ATG4A: variants seen among roughly 807,000 people sequenced by gnomAD.
ATG4A encodes autophagy related 4A cysteine peptidase.
ATG4A carries 22 observed loss-of-function variants against 38.4 expected under a neutral mutation model. The observed-to-expected ratio is 0.57, with a 90% CI of 0.41 to 0.82. The LOEUF is 0.82. Ranked by LOEUF, ATG4A falls within the 40% of genes least tolerant of loss-of-function variation. The probability of loss-of-function intolerance (pLI) is 0.00; values close to 1 mark genes in which losing one functional copy is unlikely to be tolerated. For synonymous variants in ATG4A, 86 were observed against 100.7 expected, an observed-to-expected ratio of 0.85 and a Z score of 0.88; for missense variants, 220 against 290.0, an observed-to-expected ratio of 0.76 and a Z score of 1.75.
chrX:108,117,113 A>ACCTACC (rs1394351445), intron 1 of ATG4A, among the ~76,000 whole-genome samples: 4 of 111,996 alleles, frequency 3.6e-5, no homozygotes, highest in African/African-American at 1.3e-4. Context: ...GGTACTCAGT[A>ACCTACC]AAGGATTGTT....
intron 4 of ATG4A, among the ~76,000 whole-genome samples, chrX:108,132,334 G>A (rs1428581485): frequency 8.9e-6 from 1 of 112,297 alleles, no homozygotes; most frequent in African/African-American, 3.2e-5. Context: ...ATGAGAGAGC[G>A]AAAGGACACT....
At chrX:108,118,362 G>A (rs5973845) in intron 1 of ATG4A, among the ~76,000 whole-genome samples, 5,967 of 110,967 alleles carry the variant, frequency 0.054, 135 homozygotes, top group East Asian at 0.097. Context: ...TGTATAGTGG[G>A]AAGAATACTG....
intron 9 of ATG4A, among the ~76,000 whole-genome samples, chrX:108,141,536 C>T (rs1437186932): frequency 9.0e-6 from 1 of 111,643 alleles, no homozygotes; most frequent in African/African-American, 3.3e-5. Flanking sequence ...TACCACCTTC[C>T]ATTGCTCCCC....
At chrX:108,117,273 GGACTGA>G (rs2032536188) in intron 1 of ATG4A, among the ~76,000 whole-genome samples, 1 of 111,054 alleles carries the variant, frequency 9.0e-6, no homozygotes, top group African/African-American at 3.3e-5. Flanking sequence ...AACATTACAT[GGACTGA>G]GACTTTAAGG....
At chrX:108,150,707 C>T (rs992688125) in intron 10 of ATG4A, among the ~76,000 whole-genome samples, 5 of 112,333 alleles carry the variant, frequency 4.5e-5, no homozygotes, top group African/African-American at 1.6e-4. Flanking sequence ...ACCATCAGAT[C>T]TCATAAGACT....
At chrX:108,089,146 TATTAC>T (rs1400651615), upstream of ATG4A, among the ~76,000 whole-genome samples, 1 of 112,696 alleles carries the variant, frequency 8.9e-6, no homozygotes, top group Non-Finnish European at 1.9e-5. Context: ...GTTGTTTTAC[TATTAC>T]ATTATTTACG....
In ATG4A at chrX:108,091,815, G is replaced by A; in HGVS notation, c.-12G>A. The A allele has an allele frequency of 3.3e-6, 4 of 1,211,726 alleles. No homozygotes were observed. Among genetic ancestry groups the A allele is most frequent in the Non-Finnish European group, 2.2e-6 (2 of 895,473 alleles). On this transcript the variant is annotated 5_prime_UTR_variant, in exon 1 of 13. The change abolishes an upstream ATG in the 5' untranslated region. Transcript: ENST00000372232. ...GTTGCCGGTGGAATTGGCCCAGGATGACAGCTGGAGAATGGAGTCAGGTAC... is the reference window on the plus strand; with the variant it reads ...GTTGCCGGTGGAATTGGCCCAGGATAACAGCTGGAGAATGGAGTCAGGTAC...
intron 10 of ATG4A, among the ~76,000 whole-genome samples, chrX:108,151,335 A>C (rs2345392): frequency 0.5 from 55,198 of 110,585 alleles, 10,739 homozygotes; most frequent in African/African-American, 0.68. Context: ...TCTGGGATGG[A>C]TTTGAGGTTG....
intron 1 of ATG4A, among the ~76,000 whole-genome samples, chrX:108,099,499 G>A (rs1237877970): frequency 9.0e-6 from 1 of 111,246 alleles, no homozygotes; most frequent in Non-Finnish European, 1.9e-5. Context: ...TAATTTTGAT[G>A]ACATTCAACT....
chrX:108,126,961 G>C (rs1013376214), intron 2 of ATG4A: 1 of 288,365 alleles, frequency 3.5e-6, no homozygotes, highest in Non-Finnish European at 6.5e-6. Flanking sequence ...TGATGAAAAG[G>C]CAGGAGAGGA....
At chrX:108,150,032 C>T in intron 9 of ATG4A, 120 bp from the exon 10 acceptor site, 1 of 858,485 alleles carries the variant, frequency 1.2e-6, no homozygotes, top group South Asian at 2.6e-5. Context: ...GGCTTTCTGT[C>T]ATTCCATTCT....
intron 9 of ATG4A, among the ~76,000 whole-genome samples, chrX:108,142,506 A>G (rs1321671186): frequency 1.9e-5 from 2 of 106,481 alleles, no homozygotes; most frequent in Admixed American, 1.0e-4. Flanking sequence ...TAACATACAT[A>G]CACACACACA....
chrX:108,088,942 A>C, upstream of ATG4A: 1 of 691,284 alleles, frequency 1.4e-6, no homozygotes, highest in Non-Finnish European at 2.2e-6. Context: ...TAGTTTGAAA[A>C]TACGAAATGC....
At chrX:108,093,418 A>G (rs2031700522) in intron 1 of ATG4A, among the ~76,000 whole-genome samples, 1 of 112,302 alleles carries the variant, frequency 8.9e-6, no homozygotes, top group African/African-American at 3.2e-5. Flanking sequence ...TTATTGCTGA[A>G]TAGTATTCCA....
rs1569310426 is a variant in ATG4A at position 108,138,174 on chromosome X, A to G, written c.797A>G (p.Tyr266Cys). Residue 266 changes from tyrosine to cysteine, a missense_variant, in exon 9 of 13, where the codon TAT becomes TGT. Physicochemically the swap from Tyr to Cys is radical, Grantham distance 194. Around this residue, in one of 3 missense-constraint regions of ATG4A, gnomAD observed 159 missense variants for 188.9 expected, o/e 0.84. Transcript: ENST00000372232. ...ALGGKPNNAYYFIGFLGDELI... is the reference protein window; with the variant it reads ...ALGGKPNNAYCFIGFLGDELI... Reference sequence around the variant, plus strand: ...GGAGGAAAACCAAATAACGCGTATTATTTCATAGGATTCTTAGGTAAGAAA... The same window carrying G: ...GGAGGAAAACCAAATAACGCGTATTGTTTCATAGGATTCTTAGGTAAGAAA... The G allele has an allele frequency of 8.3e-7, 1 of 1,208,488 alleles. No homozygotes were observed. The highest frequency in any genetic ancestry group is 2.2e-5 in the Admixed American group (1 of 45,940).
In ATG4A at chrX:108,137,853, G is replaced by T. The variant is rs944930011; in HGVS notation, c.597G>T (p.Arg199Ser). 8 of 1,188,877 alleles carry T rather than the reference G, an allele frequency of 6.7e-6. No individual in the cohort carries two copies. Among genetic ancestry groups the T allele is most frequent in the Non-Finnish European group, 7.9e-6 (7 of 886,870 alleles). ...LPLSADTAGD[R>S]PPDSLTASNQ... is the part of the protein sequence containing the mutation. The stretch of plus-strand genomic sequence containing the variant: ...TGAGTGCTGACACAGCTGGTGACAG[G>T]CCTCCCGATTCTTTAACTGCTTCAA... The change falls in exon 8 of 13, where the codon AGG becomes AGT. Residue 199 changes from arginine (R) to serine (S), a missense_variant. Transcript: ENST00000372232.
intron 1 of ATG4A, among the ~76,000 whole-genome samples, chrX:108,109,917 A>G (rs964143142): frequency 9.0e-6 from 1 of 111,604 alleles, no homozygotes; most frequent in African/African-American, 3.3e-5. Context: ...TCCTCTAACA[A>G]TGTTCTTTTT....
At chrX:108,092,987 T>A (rs1468964116) in intron 1 of ATG4A, among the ~76,000 whole-genome samples, 1 of 112,094 alleles carries the variant, frequency 8.9e-6, no homozygotes, top group African/African-American at 3.2e-5. Flanking sequence ...TTTTCAAAAA[T>A]TTCAGAATAG....
chrX:108,097,599 G>A (rs2031866712), intron 1 of ATG4A, among the ~76,000 whole-genome samples: 1 of 112,201 alleles, frequency 8.9e-6, no homozygotes, highest in Non-Finnish European at 1.9e-5. Context: ...ATCTTGGACA[G>A]TGCAGAGAGA....
Sources: allele counts gnomAD v4.1 joint callset (sites outside exome capture counted in the v4.1 genomes callset), GRCh38; gene constraint gnomAD v4.1.1; regional missense constraint gnomAD v4.1.1; transcripts MANE v1.5; gene names NCBI Gene and HGNC (gene_info 2026-07-23, HGNC 2026-07-21).